Variants in DIS3L2 observed in about 807,000 individuals in gnomAD.
DIS3L2 encodes the protein DIS3 like 3'-5' exoribonuclease 2.
DIS3L2 carries 34 observed loss-of-function variants against 97.5 expected under a neutral mutation model. The observed-to-expected ratio is 0.35, with a 90% CI of 0.27 to 0.46. The LOEUF is 0.46. Ranked by LOEUF, DIS3L2 falls within the 20% of genes least tolerant of loss-of-function variation. The pLI is 1.00. For missense variants in DIS3L2, 1,038 were observed against 1,146.0 expected (o/e 0.91, Z 1.36); for synonymous variants, 435 against 445.2 (o/e 0.98, Z 0.29).
At chr2:232,156,578 A>G (rs758583978) in intron 8 of DIS3L2, among the ~76,000 whole-genome samples, 2 of 151,420 alleles carry the variant, frequency 1.3e-5, no homozygotes, top group Non-Finnish European at 2.9e-5. Context: ...CCTGGACTTT[A>G]GTATTATATT....
intron 1 of DIS3L2, among the ~76,000 whole-genome samples, chr2:231,997,508 T>C (rs887548650): frequency 6.6e-6 from 1 of 152,244 alleles, no homozygotes; most frequent in Non-Finnish European, 1.5e-5. Flanking sequence ...TAGCCTTTAA[T>C]TGATTATTTG....
intron 9 of DIS3L2, among the ~76,000 whole-genome samples, chr2:232,181,349 A>C (rs1162344833): frequency 1.3e-5 from 2 of 152,042 alleles, no homozygotes; most frequent in African/African-American, 4.8e-5. Context: ...CTGAATCTGA[A>C]TGTTGGGCTG....
At chr2:232,185,721 G>A (rs10933387) in intron 9 of DIS3L2, among the ~76,000 whole-genome samples, 2,076 of 152,182 alleles carry the variant, frequency 0.014, 26 homozygotes, top group Middle Eastern at 0.024. Context: ...GTGGTGGCTT[G>A]TGCCAGTAGT....
At chr2:232,304,891 C>T (rs1694947503) in intron 14 of DIS3L2, among the ~76,000 whole-genome samples, 1 of 152,086 alleles carries the variant, frequency 6.6e-6, no homozygotes, top group Non-Finnish European at 1.5e-5. Context: ...TCTCTCTAAT[C>T]TCTCCTTCTG....
chr2:232,065,689 T>C (rs983984072), intron 5 of DIS3L2, among the ~76,000 whole-genome samples: 4 of 152,004 alleles, frequency 2.6e-5, no homozygotes, highest in African/African-American at 9.7e-5. Context: ...AAATTTAGAA[T>C]TGACTTTATC....
intron 10 of DIS3L2, among the ~76,000 whole-genome samples, chr2:232,217,698 G>C (rs997835093): frequency 6.6e-6 from 1 of 152,178 alleles, no homozygotes; most frequent in African/African-American, 2.4e-5. Flanking sequence ...TATTGCAAAG[G>C]ATCCAGATAA....
intron 11 of DIS3L2, among the ~76,000 whole-genome samples, chr2:232,245,403 G>A (rs1693221368): frequency 6.6e-6 from 1 of 152,208 alleles, no homozygotes; most frequent in South Asian, 2.1e-4. Flanking sequence ...ATCCTGCTGT[G>A]CCTGGGGTTG....
At chr2:232,222,788 G>A (rs901698627) in intron 10 of DIS3L2, among the ~76,000 whole-genome samples, 1 of 152,160 alleles carries the variant, frequency 6.6e-6, no homozygotes, top group African/African-American at 2.4e-5. Flanking sequence ...AATTTTAACT[G>A]TCCTTGTTGT....
At chr2:232,271,252 G>A (rs1396080200) in intron 13 of DIS3L2, among the ~76,000 whole-genome samples, 6 of 152,086 alleles carry the variant, frequency 3.9e-5, no homozygotes, top group Admixed American at 1.3e-4. Flanking sequence ...GTTTGAAGTG[G>A]GGCTGAGAAC....
rs1281664153 is a variant in DIS3L2 at position 232,001,670 on chromosome 2, T to TC, written c.-93-13162dup. Among the ~76,000 whole-genome samples, 3 of 150,528 alleles carry TC rather than the reference T, an allele frequency of 2.0e-5. No individual in the cohort carries two copies. The East Asian group carries it at 5.8e-4, about 29-fold the overall frequency. On this transcript the variant is annotated intron_variant, in intron 1 of 20. Transcript: ENST00000325385. Reference sequence around the variant, plus strand: ...GAACTTTATTTAACTCCATGTTTTTTCCCAGTGGTTTTCAGTGTCAGGCCT... The same window carrying TC: ...GAACTTTATTTAACTCCATGTTTTTTCCCCAGTGGTTTTCAGTGTCAGGCCT...
In DIS3L2 at chr2:232,105,805, T is replaced by C. The variant is rs143699271; in HGVS notation, c.601+18084T>C. Among the ~76,000 whole-genome samples, 575 of 152,270 alleles carry C rather than the reference T, an allele frequency of 3.8e-3. 8 individuals are homozygous for C. The highest frequency in any genetic ancestry group is 0.014 in the African/African-American group (562 of 41,556). On this transcript the variant is annotated intron_variant, in intron 6 of 20. Coordinates refer to ENST00000325385, the MANE Select transcript of DIS3L2 (RefSeq NM_152383.5). ...GATTCCCAGGCTCCCAACATGTCAG[T>C]CGCTATGTGTGCCTGTCCTTCTCCT...
intron 1 of DIS3L2, chr2:231,978,596 T>C (rs1161300336): frequency 6.6e-6 from 1 of 152,250 alleles, no homozygotes; most frequent in Non-Finnish European, 1.5e-5. Flanking sequence ...GATTTCCTAG[T>C]GGATAAAAAG....
At chr2:232,332,133 A>C (rs1575025298) in intron 16 of DIS3L2, among the ~76,000 whole-genome samples, 2 of 106,006 alleles carry the variant, frequency 1.9e-5, no homozygotes, top group African/African-American at 3.6e-5. Context: ...ACCCTGAGCC[A>C]CCTCCACCAG....
chr2:232,044,591 A>G (rs1242433590), intron 5 of DIS3L2, among the ~76,000 whole-genome samples: 1 of 152,206 alleles, frequency 6.6e-6, no homozygotes, highest in Non-Finnish European at 1.5e-5. Context: ...ATACAAAGCT[A>G]GAAGGCATTT....
intron 5 of DIS3L2, among the ~76,000 whole-genome samples, chr2:232,049,681 A>G (rs1393398999): frequency 6.6e-6 from 1 of 152,196 alleles, no homozygotes. Context: ...ATTAAAAGAG[A>G]TCAAATTTGC....
chr2:232,197,986 A>C (rs1207903486), intron 9 of DIS3L2, among the ~76,000 whole-genome samples: 1 of 151,534 alleles, frequency 6.6e-6, no homozygotes, highest in Non-Finnish European at 1.5e-5. Flanking sequence ...AAAAAAGAAA[A>C]GTCTGGAATT....
Position 232,276,736 on chromosome 2 carries a change from C to T in DIS3L2, c.1659+13296C>T, listed in dbSNP as rs182799545. 6.5e-3 allele frequency among the ~76,000 whole-genome samples: 984 copies of T among 152,344 alleles called. 22 individuals are homozygous for T. Among genetic ancestry groups the T allele is most frequent in the African/African-American group, 0.023 (958 of 41,574 alleles). Reference sequence around the variant, plus strand: ...GACTGCCTGGGTTCTGATCCCGACTCCCTCACTTAGCTGTGTGACTCTAAC... The same window carrying T: ...GACTGCCTGGGTTCTGATCCCGACTTCCTCACTTAGCTGTGTGACTCTAAC... On this transcript the variant is annotated intron_variant, in intron 13 of 20. Transcript: ENST00000325385. The surrounding 1 kb of genome is among the most constrained non-coding windows in gnomAD (Gnocchi z 4.4).
chr2:232,300,902 C>T lies in DIS3L2; in HGVS notation c.1739+783C>T, dbSNP rs566759250. Among the ~76,000 whole-genome samples the T allele has an allele frequency of 2.6e-4, 39 of 152,276 alleles. No homozygotes were observed. In the East Asian group the frequency reaches 7.3e-3, roughly 29 times the overall value. On this transcript the variant is annotated intron_variant, in intron 14 of 20. Transcript: ENST00000325385. ...CTCCTGAGCTCAAGCGATTCTCCCA[C>T]CTCAGCCTCCCAAAGTGCTGGGATT...
chr2:232,249,274 G>A lies in DIS3L2; in HGVS notation c.1353G>A (p.Glu451=), dbSNP rs1413480231. ...TGCTTCCCAGGCTGCTGTGTGAGGA[G>A]CTGTGCAGCCTCAACCCCATGTCCG... ...VPMLPRLLCE[E]LCSLNPMSDK... Residue 451 remains glutamate (E), a synonymous_variant, in exon 12 of 21, where the codon GAG becomes GAA. Coordinates refer to ENST00000325385, the MANE Select transcript of DIS3L2 (RefSeq NM_152383.5). 1.2e-6 allele frequency: 2 copies of A among 1,614,202 alleles called. No homozygotes were observed. The highest frequency in any genetic ancestry group is 3.3e-5 in the Admixed American group (2 of 60,026).
Sources: allele counts gnomAD v4.1 joint callset (sites outside exome capture counted in the v4.1 genomes callset), GRCh38; gene constraint gnomAD v4.1.1; non-coding constraint Gnocchi (gnomAD v3.1); transcripts MANE v1.5; gene names NCBI Gene and HGNC (gene_info 2026-07-23, HGNC 2026-07-21).